CPN1: variants seen among roughly 807,000 people sequenced by gnomAD.
The protein encoded by CPN1 is carboxypeptidase N subunit 1.
CPN1 carries 37 observed loss-of-function variants against 46.4 expected under a neutral mutation model. The ratio of observed to expected loss-of-function variants is 0.80; its 90% CI spans 0.61 to 1.05. The LOEUF (loss-of-function observed/expected upper bound fraction) is 1.05, where lower values mean the gene tolerates loss of function less well. Among genes scored for constraint, CPN1 ranks in the 50% least tolerant of loss-of-function variants. CPN1 has a pLI of 0.00. For synonymous variants in CPN1, 224 were observed against 235.4 expected (o/e 0.95, Z 0.44); for missense variants, 563 against 602.6 (o/e 0.93, Z 0.69).
intron 2 of CPN1, among the ~76,000 whole-genome samples, chr10:100,072,806 C>T (rs2041493081): frequency 1.3e-5 from 2 of 152,148 alleles, no homozygotes; most frequent in African/African-American, 4.8e-5. Context: ...GATGGACACA[C>T]ACATAAATAA....
intron 1 of CPN1, among the ~76,000 whole-genome samples, chr10:100,076,358 T>G (rs1454263603): frequency 6.6e-6 from 1 of 152,192 alleles, no homozygotes; most frequent in African/African-American, 2.4e-5. Flanking sequence ...TGTTCAATAC[T>G]GCTAAAATTC....
In CPN1 at chr10:100,079,867, T is replaced by C. The variant is rs368580417; in HGVS notation, c.223+1536A>G. ...TGGGAGGCCAAGGCGGGTGGATCAC[T>C]TGAGGTCAGGAGTTTGAGACCAGCC... On this transcript the variant is annotated intron_variant, in intron 1 of 8. Transcript: ENST00000370418. Among the ~76,000 whole-genome samples the C allele has an allele frequency of 1.3e-4, 20 of 152,160 alleles. No homozygotes were observed. In the South Asian group the frequency reaches 4.2e-3, roughly 32 times the overall value.
Position 100,081,580 on chromosome 10 carries a change from T to C in CPN1, c.46A>G (p.Lys16Glu), listed in dbSNP as rs553176799. Residue 16 changes from lysine to glutamate, a missense_variant, in exon 1 of 9, where the codon AAG (lysine) becomes GAG (glutamate). Transcript: ENST00000370418. ...CGAAAGGTCACCGGGGCAACCAACTTGAAGAGAAGGAGGAGGTGGAGGAAG... is the reference window on the plus strand; with the variant it reads ...CGAAAGGTCACCGGGGCAACCAACTCGAAGAGAAGGAGGAGGTGGAGGAAG... ...SVFLHLLLLFKLVAPVTFRHH... is the reference protein window; with the variant it reads ...SVFLHLLLLFELVAPVTFRHH... The C allele has an allele frequency of 1.9e-6, 3 of 1,614,128 alleles. No homozygotes were observed. Among genetic ancestry groups the C allele is most frequent in the Non-Finnish European group, 2.5e-6 (3 of 1,180,028 alleles).
At position 100,069,822 on chromosome 10, in the gene CPN1, T is replaced by G. The variant is rs1274368791; in HGVS notation, c.468A>C (p.Gly156=). The G allele has an allele frequency of 5.0e-6, 8 of 1,613,794 alleles. No homozygotes were observed. In the South Asian group the frequency reaches 6.6e-5, roughly 13 times the overall value. Residue 156 remains glycine, a synonymous_variant, in exon 3 of 9, where the codon GGA becomes GGC. Coordinates refer to ENST00000370418, the MANE Select transcript of CPN1 (RefSeq NM_001308.3). ...GYLVGRNNAN[G]VDLNRNFPDL... ...CAGGGAAGTTGCGGTTCAGGTCCAC[T>G]CCATTTGCATTGTTCCTGCCAACTA...
At chr10:100,077,227 CTTTTTTTTT>C (rs57632037) in intron 1 of CPN1, among the ~76,000 whole-genome samples, 1 of 113,744 alleles carries the variant, frequency 8.8e-6, no homozygotes, top group African/African-American at 3.7e-5. Context: ...CCGGTTTTAC[CTTTTTTTTT>C]TTTTTTTTTT....
Position 100,063,742 on chromosome 10 carries a change from A to G in CPN1, c.760-17T>C, listed in dbSNP as rs1218232499. On this transcript the variant is annotated splice_polypyrimidine_tract_variant and intron_variant, in intron 4 of 8. Coordinates refer to ENST00000370418, the MANE Select transcript of CPN1 (RefSeq NM_001308.3). ...CTTGGCCAGCTAGAGGAAAAGCAGG[A>G]GGAAAACGACCTTGATGATTCCCAA... 6.3e-7 allele frequency: 1 copy of G among 1,594,782 alleles called. No individual in the cohort carries two copies. Among genetic ancestry groups the G allele is most frequent in the Non-Finnish European group, 8.6e-7 (1 of 1,162,638 alleles).
At chr10:100,080,183 A>C (rs2041536532) in intron 1 of CPN1, among the ~76,000 whole-genome samples, 1 of 152,138 alleles carries the variant, frequency 6.6e-6, no homozygotes, top group Non-Finnish European at 1.5e-5. Context: ...GGGATGTGGA[A>C]GCGAAGAGGT....
At position 100,042,447 on chromosome 10, in the gene CPN1, G is replaced by T. The variant is rs754819282; in HGVS notation, c.1357C>A (p.Leu453Met). The change falls in exon 9 of 9, where the codon CTG becomes ATG. Residue 453 changes from leucine to methionine, a missense_variant. Leu to Met is a conservative substitution (Grantham distance 15). Transcript: ENST00000370418. ...ARKKEMEMRQ[L>M]QRGPA ...GGGTTTCAGGCAGGGCCTCTCTGCA[G>T]CTGCCTCATCTCCATTTCTTTCTTT... 1 of 1,613,472 alleles carries T rather than the reference G, an allele frequency of 6.2e-7. No homozygotes were observed. Among genetic ancestry groups the T allele is most frequent in the Non-Finnish European group, 8.5e-7 (1 of 1,180,018 alleles).
chr10:100,051,684 T>G (rs1370729257), intron 7 of CPN1, among the ~76,000 whole-genome samples: 1 of 150,974 alleles, frequency 6.6e-6, no homozygotes, highest in East Asian at 2.0e-4. Context: ...CCTGCCACCA[T>G]GCCTGGCTAA....
At chr10:100,067,990 A>G (rs1304698658) in intron 3 of CPN1, among the ~76,000 whole-genome samples, 1 of 151,626 alleles carries the variant, frequency 6.6e-6, no homozygotes, top group Non-Finnish European at 1.5e-5. Flanking sequence ...TGTCTCTACT[A>G]AAAATACAAA....
intron 2 of CPN1, among the ~76,000 whole-genome samples, chr10:100,070,352 G>C (rs192662675): frequency 6.6e-6 from 1 of 152,004 alleles, no homozygotes; most frequent in African/African-American, 2.4e-5. Flanking sequence ...GTGTGGTGGC[G>C]TGTGCCTGTA....
chr10:100,042,672 A>G, intron 8 of CPN1, 99 bp from the exon 9 acceptor site: 2 of 1,465,864 alleles, frequency 1.4e-6, no homozygotes, highest in Non-Finnish European at 1.9e-6. Context: ...TTATTATAGC[A>G]GTGACCCAGA....
intron 8 of CPN1, among the ~76,000 whole-genome samples, chr10:100,047,019 A>G (rs1385038082): frequency 6.6e-6 from 1 of 151,746 alleles, no homozygotes; most frequent in African/African-American, 2.4e-5. Context: ...GGTTGGAGTG[A>G]GCCGAGATTG....
intron 8 of CPN1, among the ~76,000 whole-genome samples, chr10:100,043,653 ATTTAT>A (rs2041291628): frequency 6.7e-6 from 1 of 149,348 alleles, no homozygotes; most frequent in Non-Finnish European, 1.5e-5. Context: ...GGACTTGGGG[ATTTAT>A]TTTACTTTTC....
chr10:100,079,214 G>A (rs2041531071), intron 1 of CPN1, among the ~76,000 whole-genome samples: 1 of 152,188 alleles, frequency 6.6e-6, no homozygotes, highest in African/African-American at 2.4e-5. Context: ...TATTTACGTA[G>A]TTACCCATTT....
intron 6 of CPN1, among the ~76,000 whole-genome samples, chr10:100,056,294 T>C (rs2041384026): frequency 1.3e-5 from 2 of 152,226 alleles, no homozygotes; most frequent in African/African-American, 4.8e-5. Context: ...GTATTTGCAG[T>C]TGTGTCCATT....
intron 3 of CPN1, among the ~76,000 whole-genome samples, chr10:100,066,731 C>G (rs544435712): frequency 1.1e-3 from 173 of 152,346 alleles, no homozygotes; most frequent in African/African-American, 4.1e-3. Flanking sequence ...ATGGCTCCTT[C>G]TGGACCAAGG....
At chr10:100,071,330 T>C (rs889768543) in intron 2 of CPN1, among the ~76,000 whole-genome samples, 1 of 152,170 alleles carries the variant, frequency 6.6e-6, no homozygotes, top group Non-Finnish European at 1.5e-5. Flanking sequence ...TGTAATCAAG[T>C]CAACTGGATG....
intron 1 of CPN1, 103 bp from the exon 2 acceptor site, chr10:100,076,210 C>T: frequency 1.8e-6 from 2 of 1,118,704 alleles, no homozygotes; most frequent in Non-Finnish European, 2.7e-6. Context: ...GAAAGAAAAT[C>T]TCATGCTTTC....
Sources: allele counts gnomAD v4.1 joint callset (sites outside exome capture counted in the v4.1 genomes callset), GRCh38; gene constraint gnomAD v4.1.1; transcripts MANE v1.5; gene names NCBI Gene and HGNC (gene_info 2026-07-23, HGNC 2026-07-21).